The following TMEM117 variants were observed in gnomAD, a reference collection of about 807,000 sequenced individuals.
The protein encoded by TMEM117 is transmembrane protein 117.
Under a neutral mutation model 52.4 loss-of-function variants are expected in TMEM117, and 27 were observed. The ratio of observed to expected loss-of-function variants is 0.51; its 90% CI spans 0.38 to 0.71. TMEM117 has a LOEUF of 0.71. Ranked by LOEUF, TMEM117 falls within the 30% of genes least tolerant of loss-of-function variation. The pLI, the probability that TMEM117 is intolerant of heterozygous loss-of-function variation, is 0.00. For missense variants in TMEM117, 556 were observed against 630.5 expected (o/e 0.88, Z 1.26); for synonymous variants, 215 against 206.3 (o/e 1.04, Z -0.36).
intron 3 of TMEM117, among the ~76,000 whole-genome samples, chr12:44,061,409 T>C (rs1947136303): frequency 6.6e-6 from 1 of 152,036 alleles, no homozygotes; most frequent in Non-Finnish European, 1.5e-5. Flanking sequence ...AAAATTTTGC[T>C]CTCCAAGAAA....
intron 4 of TMEM117, among the ~76,000 whole-genome samples, chr12:44,182,631 C>T (rs1949219592): frequency 1.3e-5 from 2 of 152,166 alleles, no homozygotes; most frequent in South Asian, 4.1e-4. Flanking sequence ...TATCATGTCT[C>T]TCTACATACT....
intron 2 of TMEM117, among the ~76,000 whole-genome samples, chr12:43,896,818 A>C (rs539194545): frequency 6.6e-6 from 1 of 152,228 alleles, no homozygotes; most frequent in Admixed American, 6.5e-5. Flanking sequence ...TCATTTTATC[A>C]TATTTTCTAA....
At chr12:44,002,277 T>A (rs925130715) in intron 3 of TMEM117, among the ~76,000 whole-genome samples, 1 of 152,130 alleles carries the variant, frequency 6.6e-6, no homozygotes, top group East Asian at 1.9e-4. Context: ...GAAATAAAAT[T>A]AGAATAACCC....
At chr12:44,227,872 G>C (rs2138443431) in intron 5 of TMEM117, among the ~76,000 whole-genome samples, 1 of 152,248 alleles carries the variant, frequency 6.6e-6, no homozygotes, top group East Asian at 1.9e-4. Context: ...CCAAGGCCCA[G>C]GATAGATTCT....
At chr12:44,001,923 C>G (rs1315522604) in intron 3 of TMEM117, among the ~76,000 whole-genome samples, 1 of 152,138 alleles carries the variant, frequency 6.6e-6, no homozygotes, top group African/African-American at 2.4e-5. Flanking sequence ...AGTGTCCATC[C>G]TTTCCTGTGA....
At chr12:44,155,907 T>A (rs769737983) in intron 4 of TMEM117, among the ~76,000 whole-genome samples, 19 of 152,042 alleles carry the variant, frequency 1.2e-4, no homozygotes, top group Non-Finnish European at 1.6e-4. Flanking sequence ...GGCATGAGTT[T>A]GGGACAGGTA....
chr12:44,160,721 G>T (rs1298402773), intron 4 of TMEM117, among the ~76,000 whole-genome samples: 2 of 152,166 alleles, frequency 1.3e-5, no homozygotes, highest in Admixed American at 1.3e-4. Flanking sequence ...AGGATCGCTT[G>T]TGCCTAGGAG....
intron 5 of TMEM117, among the ~76,000 whole-genome samples, chr12:44,250,964 C>T (rs532247056): frequency 2.6e-5 from 4 of 152,140 alleles, no homozygotes; most frequent in Admixed American, 6.5e-5. Context: ...TGTAACAAAC[C>T]TACACGTTCT....
rs527781800 is a variant in TMEM117, at chr12:44,266,555, C to T, written c.609-33025C>T. Among the ~76,000 whole-genome samples, 224 of 152,172 alleles carry T rather than the reference C, an allele frequency of 1.5e-3. 2 individuals are homozygous for T. Among genetic ancestry groups the T allele is most frequent in the African/African-American group, 5.1e-3 (212 of 41,530 alleles). ...CTGATAAGTGATTTGCATGTATTTT[C>T]TCCTAGTTTGTGGCTTGCATTTTCA... On this transcript the variant is annotated intron_variant, in intron 5 of 7. Coordinates refer to ENST00000266534, the MANE Select transcript of TMEM117 (RefSeq NM_032256.3).
At chr12:43,919,293 C>G (rs1167684106) in intron 2 of TMEM117, among the ~76,000 whole-genome samples, 1 of 152,156 alleles carries the variant, frequency 6.6e-6, no homozygotes, top group Non-Finnish European at 1.5e-5. Flanking sequence ...ATTAGTATTT[C>G]TCTATTTCCC....
At chr12:43,943,499 A>G (rs1217585406) in intron 2 of TMEM117, among the ~76,000 whole-genome samples, 1 of 152,192 alleles carries the variant, frequency 6.6e-6, no homozygotes, top group Non-Finnish European at 1.5e-5. Context: ...TTTCTTCCTT[A>G]AAGTGTTTGC....
intron 5 of TMEM117, among the ~76,000 whole-genome samples, chr12:44,258,356 C>T (rs989994267): frequency 1.3e-5 from 2 of 152,072 alleles, no homozygotes; most frequent in Non-Finnish European, 2.9e-5. Context: ...AATGGCTGTT[C>T]TATTTCTTTC....
intron 4 of TMEM117, among the ~76,000 whole-genome samples, chr12:44,150,808 T>C (rs1948711087): frequency 6.6e-6 from 1 of 152,072 alleles, no homozygotes; most frequent in South Asian, 2.1e-4. Context: ...TCTTTTAATT[T>C]TCATGACTTT....
intron 3 of TMEM117, among the ~76,000 whole-genome samples, chr12:44,011,700 T>C (rs1946293133): frequency 6.6e-6 from 1 of 150,834 alleles, no homozygotes. Context: ...GTTTATTTTA[T>C]AAGTTAGGCA....
intron 5 of TMEM117, among the ~76,000 whole-genome samples, chr12:44,244,827 T>C (rs1950108895): frequency 6.6e-6 from 1 of 152,024 alleles, no homozygotes. Context: ...TAGTTTCAGG[T>C]CTTAGGTTTA....
chr12:44,225,631 C>T (rs965963285), intron 5 of TMEM117, among the ~76,000 whole-genome samples: 16 of 149,684 alleles, frequency 1.1e-4, no homozygotes, highest in African/African-American at 4.0e-4. Flanking sequence ...ACATCTTAAT[C>T]AGTGACTTTA....
intron 6 of TMEM117, among the ~76,000 whole-genome samples, chr12:44,317,912 G>A (rs1623888): frequency 0.02 from 3,101 of 152,276 alleles, 121 homozygotes; most frequent in African/African-American, 0.07. Context: ...GACTGGGCAG[G>A]CTCACCTACA....
At chr12:43,943,171 T>C in intron 2 of TMEM117, among the ~76,000 whole-genome samples, 1 of 67,350 alleles carries the variant, frequency 1.5e-5, no homozygotes, top group Non-Finnish European at 2.9e-5. Flanking sequence ...AGCAAGACTC[T>C]GTCTCAAAAA....
intron 6 of TMEM117, among the ~76,000 whole-genome samples, chr12:44,373,113 C>A (rs1249119055): frequency 1.3e-5 from 2 of 152,128 alleles, no homozygotes; most frequent in Non-Finnish European, 2.9e-5. Context: ...TAATTTATAA[C>A]CCAAATGTCC....
Sources: gnomAD v4.1 joint callset for allele counts (sites outside exome capture counted in the v4.1 genomes callset) on GRCh38, gnomAD v4.1.1 for gene constraint, MANE v1.5 for transcripts, NCBI Gene and HGNC (gene_info 2026-07-23, HGNC 2026-07-21) for gene names.